The following KIDINS220 variants were observed in gnomAD, a reference collection of about 807,000 sequenced individuals.
KIDINS220 encodes the protein kinase D interacting substrate 220.
Under a neutral mutation model 157.6 loss-of-function variants are expected in KIDINS220, and 63 were observed. The observed-to-expected ratio is 0.40, with a 90% CI of 0.33 to 0.49. KIDINS220 has a LOEUF of 0.49. KIDINS220 is among the 20% of genes least tolerant of loss of function. KIDINS220 has a pLI of 0.66. For missense variants in KIDINS220, 1,772 were observed against 2,171.2 expected (o/e 0.82, Z 3.65); for synonymous variants, 732 against 783.6 (o/e 0.93, Z 1.10).
chr2:8,747,831 A>C (rs976118215), intron 25 of KIDINS220, 56 bp downstream of exon 25: 3 of 1,119,474 alleles, frequency 2.7e-6, no homozygotes. Context: ...CAAACCTCAA[A>C]TGCTATCTAT....
intron 21 of KIDINS220, among the ~76,000 whole-genome samples, chr2:8,771,437 T>C (rs1670216978): frequency 6.6e-6 from 1 of 152,238 alleles, no homozygotes; most frequent in Non-Finnish European, 1.5e-5. Context: ...GATTTGCTGT[T>C]CTACCACTAG....
chr2:8,789,980 T>C lies in KIDINS220; in HGVS notation c.1521A>G (p.Leu507=), dbSNP rs775972992. ...FSWLIVFLTL[L]LCGGLGLLFA... is the part of the protein sequence containing the mutation. The stretch of plus-strand genomic sequence containing the variant: ...ACAATAAACCAAGCCCTCCACAAAG[T>C]AGCAGGGTAAGAAACACTATGAGCC... Residue 507 remains leucine (L), a synonymous_variant, in exon 14 of 30, where the codon CTA becomes CTG. Transcript: ENST00000256707. 35 of 1,613,584 alleles carry C rather than the reference T, an allele frequency of 2.2e-5. No homozygotes were observed. Among genetic ancestry groups the C allele is most frequent in the Non-Finnish European group, 2.3e-5 (27 of 1,179,790 alleles).
intron 1 of KIDINS220, among the ~76,000 whole-genome samples, chr2:8,827,801 T>C (rs1419429702): frequency 6.6e-6 from 1 of 152,222 alleles, no homozygotes; most frequent in South Asian, 2.1e-4. Context: ...CCCCTAAATA[T>C]ATATAATTTG....
chr2:8,736,763 G>A (rs933173682), intron 27 of KIDINS220, 105 bp downstream of exon 27: 4 of 1,201,818 alleles, frequency 3.3e-6, no homozygotes, highest in East Asian at 2.4e-5. Context: ...CATTTTAACA[G>A]GGAATGCATG....
rs180766747 is a variant in KIDINS220 at position 8,758,465 on chromosome 2, T to A, written c.3012-6821A>T. Among the ~76,000 whole-genome samples, 41 of 152,322 alleles carry A rather than the reference T, an allele frequency of 2.7e-4. No homozygotes were observed. In the East Asian group the frequency reaches 5.8e-3, roughly 22 times the overall value. On this transcript the variant is annotated intron_variant, in intron 22 of 29. Coordinates refer to ENST00000256707, the MANE Select transcript of KIDINS220 (RefSeq NM_020738.4). ...TTGGATCTGCCTCTGAGCCTGGACT[T>A]CCACACTGGATCTGTCAATTTGCTG...
At chr2:8,822,764 T>G (rs879520789) in intron 2 of KIDINS220, among the ~76,000 whole-genome samples, 8 of 152,218 alleles carry the variant, frequency 5.3e-5, no homozygotes, top group Non-Finnish European at 8.8e-5. Flanking sequence ...CAGCTGACAG[T>G]GACTGTTTGT....
intron 1 of KIDINS220, among the ~76,000 whole-genome samples, chr2:8,830,381 G>A (rs1413585999): frequency 1.3e-5 from 2 of 152,094 alleles, no homozygotes; most frequent in East Asian, 3.9e-4. Flanking sequence ...TACACAAAGG[G>A]AAATATGGCT....
chr2:8,731,403 C>T lies in KIDINS220; in HGVS notation c.4633G>A (p.Ala1545Thr). Residue 1545 changes from alanine to threonine, a missense_variant, in exon 30 of 30, where the codon GCC (alanine) becomes ACC (threonine). Coordinates refer to ENST00000256707, the MANE Select transcript of KIDINS220 (RefSeq NM_020738.4). The surrounding 1 kb of genome is among the most constrained non-coding windows in gnomAD (Gnocchi z 5.2). ...GGCACTCTCTCTACTTTCCCTTCGG[C>T]TTTTCTGTCTTTGTCATCTTTGAGC... is the stretch of plus-strand genomic sequence containing the variant. ...PLLKDDKDRK[A>T]EGKVERVPKS... 1 of 1,614,178 alleles carries T rather than the reference C, an allele frequency of 6.2e-7. No individual in the cohort carries two copies. The highest frequency in any genetic ancestry group is 1.1e-5 in the South Asian group (1 of 91,078).
Position 8,788,688 on chromosome 2 carries a change from T to C in KIDINS220, c.1746A>G (p.Pro582=). The C allele has an allele frequency of 2.5e-6, 4 of 1,614,216 alleles. No individual in the cohort carries two copies. Among genetic ancestry groups the C allele is most frequent in the South Asian group, 1.1e-5 (1 of 91,088 alleles). ...TAGTAGTCTGCTCTGGCAACTCAGG[T>C]GGATTCACAAACATCAATTTAAGGA... is the stretch of plus-strand genomic sequence containing the variant. ...ELLLKLMFVN[P]PELPEQTTKA... is the part of the protein sequence containing the mutation. The change falls in exon 15 of 30, where the codon CCA becomes CCG. Residue 582 remains proline (P), a synonymous_variant. Coordinates refer to ENST00000256707, the MANE Select transcript of KIDINS220 (RefSeq NM_020738.4).
intron 22 of KIDINS220, among the ~76,000 whole-genome samples, chr2:8,767,451 G>A (rs189632558): frequency 6.6e-6 from 1 of 152,242 alleles, no homozygotes; most frequent in African/African-American, 2.4e-5. Context: ...AAAATTATCA[G>A]TACAAAGGAT....
intron 22 of KIDINS220, chr2:8,757,566 T>C (rs757979738): frequency 8.6e-6 from 13 of 1,516,494 alleles, no homozygotes; most frequent in Non-Finnish European, 1.1e-5. Flanking sequence ...TGAAGGCCAG[T>C]ACCTCTGGTT....
chr2:8,733,648 C>G lies in KIDINS220; in HGVS notation c.3849G>C (p.Val1283=), dbSNP rs1664457534. 1 of 1,590,370 alleles carries G rather than the reference C, an allele frequency of 6.3e-7. No homozygotes were observed. The highest frequency in any genetic ancestry group is 8.6e-7 in the Non-Finnish European group (1 of 1,165,210). The change falls in exon 29 of 30, where the codon GTG becomes GTC. Residue 1283 remains valine, a synonymous_variant. Coordinates refer to ENST00000256707, the MANE Select transcript of KIDINS220 (RefSeq NM_020738.4). ...VLEMRNAESH[V]VPEDPRFLSE... ...TGAGGAAACGTGGGTCTTCAGGGAC[C>G]ACGTGGCTTTCTGCGTTTCTCATTT... is the stretch of plus-strand genomic sequence containing the variant.
At chr2:8,800,548 A>AT in intron 8 of KIDINS220, 50 bp from the exon 9 acceptor site, 1 of 1,280,780 alleles carries the variant, frequency 7.8e-7, no homozygotes, top group East Asian at 2.3e-5. Flanking sequence ...GACAACAAAT[A>AT]AGCACTCTTT....
chr2:8,772,438 C>T (rs1023841844), intron 21 of KIDINS220, among the ~76,000 whole-genome samples: 6 of 151,486 alleles, frequency 4.0e-5, no homozygotes, highest in African/African-American at 2.4e-5. Flanking sequence ...ATCACACCAC[C>T]GCACTCCAGC....
intron 17 of KIDINS220, among the ~76,000 whole-genome samples, chr2:8,785,107 T>C (rs944498407): frequency 2.0e-5 from 3 of 152,152 alleles, no homozygotes; most frequent in African/African-American, 7.2e-5. Context: ...TGAAAAGACA[T>C]GAAGGGCACT....
In KIDINS220 at chr2:8,729,375, G is replaced by T. The variant is rs1663721019; in HGVS notation, c.*1345C>A. On this transcript the variant is annotated 3_prime_UTR_variant, in exon 30 of 30. Transcript: ENST00000256707. ...ACTGAATCTAGATAATAGCGCATCTGCGATCTCACCATCTACCGTCCTAAC... is the reference window on the plus strand; with the variant it reads ...ACTGAATCTAGATAATAGCGCATCTTCGATCTCACCATCTACCGTCCTAAC... The T allele has an allele frequency of 1.0e-6, 1 of 985,466 alleles. No individual in the cohort carries two copies. Among genetic ancestry groups the T allele is most frequent in the Non-Finnish European group, 1.2e-6 (1 of 829,940 alleles). 61.0% of individuals were successfully genotyped at this position (985,466 alleles called of 1,614,324 possible).
At chr2:8,829,894 G>T (rs1287243747) in intron 1 of KIDINS220, among the ~76,000 whole-genome samples, 1 of 151,778 alleles carries the variant, frequency 6.6e-6, no homozygotes, top group Non-Finnish European at 1.5e-5. Context: ...CCTCAGTGAG[G>T]TTTGCAGGAT....
chr2:8,745,260 T>C (rs1355020497), intron 26 of KIDINS220, among the ~76,000 whole-genome samples: 2 of 152,226 alleles, frequency 1.3e-5, no homozygotes, highest in Non-Finnish European at 2.9e-5. Context: ...ATAATGTGTA[T>C]GTTAAAGGCT....
chr2:8,831,555 CT>C (rs1679627312), intron 1 of KIDINS220, among the ~76,000 whole-genome samples: 1 of 152,212 alleles, frequency 6.6e-6, no homozygotes, highest in Non-Finnish European at 1.5e-5. Context: ...TTACCCCAAG[CT>C]GGGCCAGGCC....
Sources: gnomAD v4.1 joint callset for allele counts (sites outside exome capture counted in the v4.1 genomes callset) on GRCh38, gnomAD v4.1.1 for gene constraint, Gnocchi (gnomAD v3.1) non-coding constraint, MANE v1.5 for transcripts, NCBI Gene and HGNC (gene_info 2026-07-23, HGNC 2026-07-21) for gene names.